The following KALRN variants were observed in gnomAD, a reference collection of about 807,000 sequenced individuals.
KALRN encodes the protein kalirin.
A neutral mutation model predicts 353.7 loss-of-function variants in KALRN; 70 were observed. The ratio of observed to expected loss-of-function variants is 0.20; its 90% CI spans 0.16 to 0.24. The LOEUF (loss-of-function observed/expected upper bound fraction) is 0.24. Among genes scored for constraint, KALRN ranks in the 10% least tolerant of loss-of-function variants. KALRN has a pLI of 1.00. For synonymous variants in KALRN, 1,391 were observed against 1,434.8 expected, an observed-to-expected ratio of 0.97 and a Z score of 0.69; for missense variants, 2,791 against 3,756.7, an observed-to-expected ratio of 0.74 and a Z score of 6.72.
chr3:124,454,420 C>T (rs2059100056), intron 21 of KALRN, among the ~76,000 whole-genome samples: 1 of 152,162 alleles, frequency 6.6e-6, no homozygotes. Flanking sequence ...CCTAAGGATG[C>T]ATCTAAACTC....
chr3:124,568,347 G>T (rs1182882873), intron 34 of KALRN, among the ~76,000 whole-genome samples: 1 of 152,204 alleles, frequency 6.6e-6, no homozygotes, highest in Non-Finnish European at 1.5e-5. Flanking sequence ...TGCACACACA[G>T]AAAATAACAA....
intron 10 of KALRN, among the ~76,000 whole-genome samples, chr3:124,369,609 T>C (rs931021528): frequency 6.6e-6 from 1 of 152,212 alleles, no homozygotes; most frequent in African/African-American, 2.4e-5. Context: ...GAGGGAACTT[T>C]ATATTTACTC....
intron 7 of KALRN, among the ~76,000 whole-genome samples, chr3:124,327,344 G>C (rs1374809167): frequency 6.6e-6 from 1 of 152,100 alleles, no homozygotes; most frequent in East Asian, 1.9e-4. Context: ...GTAGTATTCA[G>C]GTGCTTTTCA....
At chr3:124,585,012 G>A in intron 34 of KALRN, 1 of 1,339,976 alleles carries the variant, frequency 7.5e-7, no homozygotes, top group Non-Finnish European at 1.0e-6. Context: ...CTCTGGGGTA[G>A]GCGGATGGGG....
chr3:124,149,992 C>T (rs1450071317), intron 1 of KALRN, among the ~76,000 whole-genome samples: 1 of 152,200 alleles, frequency 6.6e-6, no homozygotes, highest in Non-Finnish European at 1.5e-5. Context: ...CCAATCTTCC[C>T]TTTCCAATGA....
chr3:124,545,559 C>T (rs2069536259), intron 33 of KALRN, among the ~76,000 whole-genome samples: 2 of 152,166 alleles, frequency 1.3e-5, no homozygotes, highest in Non-Finnish European at 2.9e-5. Context: ...TCCTAGAGCC[C>T]AGGGGTGAGG....
chr3:124,407,174 A>G (rs1395445516), intron 13 of KALRN, among the ~76,000 whole-genome samples: 2 of 152,154 alleles, frequency 1.3e-5, no homozygotes, highest in African/African-American at 2.4e-5. Flanking sequence ...AATGGAAACG[A>G]AATAATATTT....
intron 10 of KALRN, among the ~76,000 whole-genome samples, chr3:124,366,653 C>G (rs1210768398): frequency 2.6e-5 from 4 of 152,024 alleles, no homozygotes; most frequent in Admixed American, 6.5e-5. Flanking sequence ...TTTTCCCCAC[C>G]TTTCCCCCCT....
chr3:124,596,416 A>C (rs2076269430), intron 34 of KALRN, among the ~76,000 whole-genome samples: 1 of 152,154 alleles, frequency 6.6e-6, no homozygotes, highest in Non-Finnish European at 1.5e-5. Flanking sequence ...GCAGTGAGCC[A>C]AAATCGCGCC....
chr3:124,201,267 G>A lies in KALRN; in HGVS notation c.74-26723G>A, dbSNP rs192210795. 5.3e-5 allele frequency among the ~76,000 whole-genome samples: 8 copies of A among 152,294 alleles called. 1 individual carries two copies. The East Asian group carries it at 7.7e-4, about 15-fold the overall frequency. On this transcript the variant is annotated intron_variant, in intron 1 of 59. Coordinates refer to ENST00000682506, the MANE Select transcript of KALRN (RefSeq NM_001388419.1). ...TTAAGCCATTATGGTAGAGCTTTCC[G>A]TGACTCTCTGCCAAATCCTAATGTA...
chr3:124,471,259 A>T (rs1483248983), intron 25 of KALRN, among the ~76,000 whole-genome samples: 41 of 53,178 alleles, frequency 7.7e-4, no homozygotes, highest in African/African-American at 3.3e-3. Context: ...ACAAAGTTTT[A>T]TTATTATTAT....
intron 34 of KALRN, among the ~76,000 whole-genome samples, chr3:124,587,574 CCT>C (rs1338705681): frequency 6.6e-6 from 1 of 152,054 alleles, no homozygotes; most frequent in Non-Finnish European, 1.5e-5. Context: ...AGATAAAGTA[CCT>C]GTGTGGTCTT....
intron 34 of KALRN, among the ~76,000 whole-genome samples, chr3:124,619,088 G>GGTAACCAGTGTTTTA (rs2078978643): frequency 6.6e-6 from 1 of 150,710 alleles, no homozygotes; most frequent in African/African-American, 2.4e-5. Flanking sequence ...TCCAGCCCCT[G>GGTAACCAGTGTTTTA]GTAACCAGTG....
Position 124,717,281 on chromosome 3 carries a change from A to G in KALRN, c.8311A>G (p.Asn2771Asp). 1.9e-6 allele frequency: 3 copies of G among 1,612,464 alleles called. No homozygotes were observed. The South Asian group carries it at 3.3e-5, about 18-fold the overall frequency. Residue 2771 changes from asparagine to aspartate, a missense_variant, in exon 59 of 60, where the codon AAT (asparagine) becomes GAT (aspartate). Asn to Asp is a conservative substitution (Grantham distance 23). Coordinates refer to ENST00000682506, the MANE Select transcript of KALRN (RefSeq NM_001388419.1). ...TGGCCGGCTCTTAGACTACCTTATGAATCATGATGAACTGATGGAGGAAAA... is the reference window on the plus strand; with the variant it reads ...TGGCCGGCTCTTAGACTACCTTATGGATCATGATGAACTGATGGAGGAAAA... ...DDGRLLDYLM[N>D]HDELMEEKVA... is the part of the protein sequence containing the mutation.
chr3:124,439,200 T>TCACACACACACACACA (rs376221553), intron 18 of KALRN, among the ~76,000 whole-genome samples, 163 bp downstream of exon 18: 90 of 98,908 alleles, frequency 9.1e-4, no homozygotes, highest in African/African-American at 2.2e-3. Flanking sequence ...TCTCTCTCTC[T>TCACACACACACACACA]CACACACACA....
intron 1 of KALRN, among the ~76,000 whole-genome samples, chr3:124,116,179 A>G (rs1400240759): frequency 1.3e-5 from 2 of 152,150 alleles, no homozygotes; most frequent in Non-Finnish European, 2.9e-5. Flanking sequence ...ATGGCTAGAG[A>G]CTACATCTTC....
intron 34 of KALRN, among the ~76,000 whole-genome samples, chr3:124,593,898 G>A (rs964398074): frequency 2.6e-5 from 4 of 152,070 alleles, no homozygotes; most frequent in African/African-American, 9.7e-5. Context: ...TTGCCATATT[G>A]CCCAGGCTGG....
At chr3:124,089,670 C>T (rs1189744729) in intron 1 of KALRN, among the ~76,000 whole-genome samples, 1 of 151,226 alleles carries the variant, frequency 6.6e-6, no homozygotes, top group Non-Finnish European at 1.5e-5. Flanking sequence ...AATTCCTTTG[C>T]AATGTAGGTG....
At chr3:124,114,177 A>G (rs2063248757) in intron 1 of KALRN, among the ~76,000 whole-genome samples, 1 of 152,234 alleles carries the variant, frequency 6.6e-6, no homozygotes, top group African/African-American at 2.4e-5. Flanking sequence ...CAGTCTTCAA[A>G]GTGGCCATTA....
Sources: allele counts gnomAD v4.1 joint callset (sites outside exome capture counted in the v4.1 genomes callset), GRCh38; gene constraint gnomAD v4.1.1; transcripts MANE v1.5; gene names NCBI Gene and HGNC (gene_info 2026-07-23, HGNC 2026-07-21).